Variants in ADCY1 observed in about 807,000 individuals in gnomAD.
ADCY1 encodes the protein adenylate cyclase type 1.
A neutral mutation model predicts 105.4 loss-of-function variants in ADCY1; 28 were observed. The observed-to-expected ratio is 0.27, with a 90% CI of 0.20 to 0.36. The LOEUF (loss-of-function observed/expected upper bound fraction) is 0.36, where lower values mean the gene tolerates loss of function less well. Ranked by LOEUF, ADCY1 falls within the 10% of genes least tolerant of loss-of-function variation. The pLI is 1.00. For synonymous variants in ADCY1, 655 were observed against 623.8 expected (o/e 1.05, Z -0.75); for missense variants, 977 against 1,434.2 (o/e 0.68, Z 5.15).
intron 11 of ADCY1, among the ~76,000 whole-genome samples, chr7:45,683,995 G>A (rs995110543): frequency 6.6e-6 from 1 of 152,238 alleles, no homozygotes; most frequent in African/African-American, 2.4e-5. Context: ...GGCTGCAGTG[G>A]GGATCAAGGA....
intron 11 of ADCY1, among the ~76,000 whole-genome samples, chr7:45,683,242 C>A (rs144010262): frequency 5.3e-5 from 8 of 152,286 alleles, no homozygotes; most frequent in Admixed American, 2.0e-4. Context: ...ACTTTTCCCC[C>A]AGACCCCCTT....
At chr7:45,668,092 C>T (rs1784297396) in intron 8 of ADCY1, among the ~76,000 whole-genome samples, 1 of 152,304 alleles carries the variant, frequency 6.6e-6, no homozygotes, top group African/African-American at 2.4e-5. Context: ...AATTTGACTT[C>T]CTCTTTGCCT....
intron 19 of ADCY1, among the ~76,000 whole-genome samples, chr7:45,712,621 CTG>C (rs1408069556): frequency 6.6e-6 from 1 of 151,984 alleles, no homozygotes; most frequent in African/African-American, 2.4e-5. Flanking sequence ...CTCCCCAACT[CTG>C]GGTATTAGAA....
Position 45,677,873 on chromosome 7 carries a change from G to A in ADCY1, c.1610G>A (p.Arg537Lys). 6.2e-7 allele frequency: 1 copy of A among 1,613,552 alleles called. No individual in the cohort carries two copies. Among genetic ancestry groups the A allele is most frequent in the Non-Finnish European group, 8.5e-7 (1 of 1,179,842 alleles). ...TTATTTCCATGATGGCTCCAGCGGAGGGCATTAAGAACAGCCTCGGAAAAA... is the reference window on the plus strand; with the variant it reads ...TTATTTCCATGATGGCTCCAGCGGAAGGCATTAAGAACAGCCTCGGAAAAA... Reference protein sequence around the residue: ...VMTCEDDDKRRALRTASEKLR... With the variant: ...VMTCEDDDKRKALRTASEKLR... The change falls in exon 9 of 20, where the codon AGG (arginine) becomes AAG (lysine). Residue 537 changes from arginine to lysine, a missense_variant. Physicochemically the swap from Arg to Lys is conservative, Grantham distance 26. Transcript: ENST00000297323.
At chr7:45,695,788 C>A (rs1293642819) in intron 14 of ADCY1, among the ~76,000 whole-genome samples, 2 of 152,246 alleles carry the variant, frequency 1.3e-5, no homozygotes, top group Non-Finnish European at 2.9e-5. Flanking sequence ...AAGAAGATGT[C>A]TGTGGTGTGT....
Position 45,622,725 on chromosome 7 carries a change from G to A in ADCY1, c.1002G>A (p.Lys334=). 1 of 1,610,174 alleles carries A rather than the reference G, an allele frequency of 6.2e-7. No homozygotes were observed. Among genetic ancestry groups the A allele is most frequent in the Non-Finnish European group, 8.5e-7 (1 of 1,179,342 alleles). ...LVKLLNELFG[K]FDELATENHC... is the part of the protein sequence containing the mutation. ...AACTCCTCAATGAGCTCTTCGGCAA[G>A]TTCGATGAATTAGCCACGGTAAGTG... is the stretch of plus-strand genomic sequence containing the variant. The change falls in exon 4 of 20, where the codon AAG becomes AAA. Residue 334 remains lysine (K), a synonymous_variant. Transcript: ENST00000297323.
chr7:45,662,142 C>T lies in ADCY1; in HGVS notation c.1533C>T (p.Leu511=). ...CTGTCTGCTACCTGCTGGTGCAGCT[C>T]ATGCACTGCCGGAAAATGTTCAAGG... ...FKTVCYLLVQ[L]MHCRKMFKAE... is the part of the protein sequence containing the mutation. The change falls in exon 8 of 20, where the codon CTC becomes CTT. Residue 511 remains leucine, a synonymous_variant. Coordinates refer to ENST00000297323, the MANE Select transcript of ADCY1 (RefSeq NM_021116.4). The T allele has an allele frequency of 2.5e-6, 4 of 1,614,158 alleles. No individual in the cohort carries two copies. The highest frequency in any genetic ancestry group is 3.4e-6 in the Non-Finnish European group (4 of 1,180,028).
At chr7:45,600,976 T>C (rs745371181) in intron 2 of ADCY1, among the ~76,000 whole-genome samples, 54 of 152,288 alleles carry the variant, frequency 3.5e-4, no homozygotes, top group Non-Finnish European at 7.2e-4. Context: ...CTTCAATCTA[T>C]GAATATGGAG....
At chr7:45,622,935 C>G (rs1159853641) in intron 4 of ADCY1, among the ~76,000 whole-genome samples, 192 bp downstream of exon 4, 1 of 152,208 alleles carries the variant, frequency 6.6e-6, no homozygotes, top group African/African-American at 2.4e-5. Context: ...CGGAGCCTTG[C>G]ATTTACCAGA....
At chr7:45,701,988 G>A (rs904110013) in intron 14 of ADCY1, among the ~76,000 whole-genome samples, 9 of 152,324 alleles carry the variant, frequency 5.9e-5, no homozygotes, top group East Asian at 5.8e-4. Flanking sequence ...GCACTGATTC[G>A]CTGGCATTGT....
At chr7:45,626,919 A>C (rs1485013068) in intron 4 of ADCY1, among the ~76,000 whole-genome samples, 1 of 152,132 alleles carries the variant, frequency 6.6e-6, no homozygotes, top group Non-Finnish European at 1.5e-5. Context: ...GCACATATTG[A>C]CCAGCAATTG....
intron 3 of ADCY1, among the ~76,000 whole-genome samples, chr7:45,620,603 T>C (rs760614852): frequency 2.0e-5 from 3 of 152,098 alleles, no homozygotes; most frequent in Non-Finnish European, 4.4e-5. Context: ...CCAAGGTGGG[T>C]AAACTCAAAA....
At chr7:45,616,299 A>T (rs1178164952) in intron 3 of ADCY1, among the ~76,000 whole-genome samples, 3 of 152,248 alleles carry the variant, frequency 2.0e-5, no homozygotes, top group Non-Finnish European at 4.4e-5. Flanking sequence ...ATTGAAGAGG[A>T]GGGAACACTT....
chr7:45,656,014 A>G lies in ADCY1; in HGVS notation c.1149-1713A>G, dbSNP rs138642544. 3.4e-3 allele frequency among the ~76,000 whole-genome samples: 523 copies of G among 152,304 alleles called. 6 individuals carry two copies. In the East Asian group the frequency reaches 0.049, roughly 14 times the overall value. On this transcript the variant is annotated intron_variant, in intron 5 of 19. Transcript: ENST00000297323. ...AATAAAAAAGTATATTCAGCTGGGC[A>G]TGGTGGCTCACACCTGTAATCCCAG...
At chr7:45,646,954 G>A (rs79981329) in intron 4 of ADCY1, among the ~76,000 whole-genome samples, 3,272 of 152,340 alleles carry the variant, frequency 0.021, 59 homozygotes, top group South Asian at 0.06. Flanking sequence ...TGGCCTCAGT[G>A]TCCATCTCAC....
At chr7:45,621,228 G>C (rs546746208) in intron 3 of ADCY1, among the ~76,000 whole-genome samples, 1 of 152,106 alleles carries the variant, frequency 6.6e-6, no homozygotes, top group East Asian at 1.9e-4. Flanking sequence ...AACACACCTG[G>C]CTAATTTATG....
At chr7:45,700,718 G>A (rs928103032) in intron 14 of ADCY1, among the ~76,000 whole-genome samples, 7 of 152,158 alleles carry the variant, frequency 4.6e-5, no homozygotes, top group African/African-American at 9.7e-5. Flanking sequence ...GGAGGGAGGT[G>A]GGGACATCAC....
At chr7:45,691,593 A>G (rs931613690) in intron 14 of ADCY1, among the ~76,000 whole-genome samples, 1 of 152,158 alleles carries the variant, frequency 6.6e-6, no homozygotes, top group Non-Finnish European at 1.5e-5. Context: ...AAACTCTTGT[A>G]TGCTTTTGTT....
rs1031344472 is a variant in ADCY1 at position 45,599,626 on chromosome 7, A to T, written c.789+6718A>T. ...GTTTGTGGGTACCCAGTTGTTTGCC[A>T]TATCTGTTTTTTTTTTTTGAGGCAG... On this transcript the variant is annotated intron_variant, in intron 2 of 19. Coordinates refer to ENST00000297323, the MANE Select transcript of ADCY1 (RefSeq NM_021116.4). Among the ~76,000 whole-genome samples the T allele has an allele frequency of 1.4e-4, 20 of 143,504 alleles. 1 individual carries two copies. Among genetic ancestry groups the T allele is most frequent in the Admixed American group, 3.4e-4 (5 of 14,550 alleles). The allele number at this position is 143,504 out of a possible 152,430, so 94.1% of individuals were successfully genotyped here.
Sources: gnomAD v4.1 joint callset for allele counts (sites outside exome capture counted in the v4.1 genomes callset) on GRCh38, gnomAD v4.1.1 for gene constraint, MANE v1.5 for transcripts, NCBI Gene and HGNC (gene_info 2026-07-23, HGNC 2026-07-21) for gene names.